The following DENND1A variants were observed in gnomAD, a reference collection of about 807,000 sequenced individuals.
The protein encoded by DENND1A is DENN domain-containing protein 1A.
Under a neutral mutation model 113.7 loss-of-function variants are expected in DENND1A, and 51 were observed. The ratio of observed to expected loss-of-function variants is 0.45; its 90% confidence interval spans 0.36 to 0.57. The LOEUF is 0.57. DENND1A is among the 20% of genes least tolerant of loss of function. The pLI is 0.00. For missense variants in DENND1A, 1,258 were observed against 1,395.9 expected, an observed-to-expected ratio of 0.90 and a Z score of 1.57; for synonymous variants, 565 against 570.8, an observed-to-expected ratio of 0.99 and a Z score of 0.14.
At chr9:123,521,247 CT>C (rs1444237429) in intron 13 of DENND1A, among the ~76,000 whole-genome samples, 2 of 152,206 alleles carry the variant, frequency 1.3e-5, no homozygotes, top group African/African-American at 2.4e-5. Context: ...GACAATTTTT[CT>C]GTTGGTTATC....
intron 1 of DENND1A, among the ~76,000 whole-genome samples, chr9:123,891,342 C>T (rs770716289): frequency 2.0e-5 from 3 of 152,218 alleles, no homozygotes; most frequent in Non-Finnish European, 4.4e-5. Context: ...AACAACGTAA[C>T]GTACACTATA....
rs2042180694 is a variant in DENND1A, at chr9:123,379,711, AAAGT to A, written c.*1717_*1720del. On this transcript the variant is annotated 3_prime_UTR_variant, in exon 24 of 24. Transcript: ENST00000394215. The stretch of plus-strand genomic sequence containing the variant: ...ACAAAGTTCATCCTTGGGTTTGCAA[AAAGT>A]CCCACAAGTGAAGAGGCAGCAGTGC... 6.6e-6 allele frequency: 1 copy of A among 152,260 alleles called. No homozygotes were observed. The highest frequency in any genetic ancestry group is 2.1e-4 in the South Asian group (1 of 4,834). The allele number at this position is 152,260 out of a possible 1,614,324, so 9.4% of individuals were successfully genotyped here.
intron 13 of DENND1A, among the ~76,000 whole-genome samples, chr9:123,486,861 T>C (rs1315347980): frequency 6.6e-6 from 1 of 152,154 alleles, no homozygotes; most frequent in African/African-American, 2.4e-5. Context: ...TCTTTTCCCA[T>C]TGGGACTGAT....
intron 5 of DENND1A, among the ~76,000 whole-genome samples, chr9:123,695,359 G>C (rs2065444963): frequency 6.6e-6 from 1 of 152,076 alleles, no homozygotes; most frequent in Admixed American, 6.6e-5. Context: ...TTTCAACACA[G>C]AATCTGTTAA....
chr9:123,409,301 C>T (rs1283603958), intron 20 of DENND1A, among the ~76,000 whole-genome samples: 1 of 151,476 alleles, frequency 6.6e-6, no homozygotes, highest in Non-Finnish European at 1.5e-5. Context: ...TTTTTTTCTT[C>T]CCGCAGCATT....
chr9:123,736,871 C>T (rs2068603310), intron 5 of DENND1A, among the ~76,000 whole-genome samples: 1 of 152,186 alleles, frequency 6.6e-6, no homozygotes, highest in Non-Finnish European at 1.5e-5. Context: ...ATTGGCAGTA[C>T]ATACAGGACT....
intron 10 of DENND1A, among the ~76,000 whole-genome samples, chr9:123,618,879 T>TAA (rs2138116464): frequency 6.6e-6 from 1 of 152,368 alleles, no homozygotes; most frequent in East Asian, 1.9e-4. Flanking sequence ...CTACACAGAC[T>TAA]AACCCATTTT....
intron 20 of DENND1A, among the ~76,000 whole-genome samples, chr9:123,404,493 A>G (rs2043774255): frequency 6.6e-6 from 1 of 152,232 alleles, no homozygotes; most frequent in Non-Finnish European, 1.5e-5. Context: ...CACGGATGGG[A>G]TGCCACAACT....
At chr9:123,892,989 A>G (rs1421900984) in intron 1 of DENND1A, among the ~76,000 whole-genome samples, 1 of 152,132 alleles carries the variant, frequency 6.6e-6, no homozygotes, top group Non-Finnish European at 1.5e-5. Flanking sequence ...CTCAAAAATA[A>G]TAAGAATAAT....
chr9:123,531,560 C>CT (rs1431879297), intron 13 of DENND1A, among the ~76,000 whole-genome samples: 48 of 97,736 alleles, frequency 4.9e-4, no homozygotes, highest in African/African-American at 2.5e-3. Context: ...TCTCTACACA[C>CT]ACACACACAC....
At chr9:123,499,984 C>T (rs1391004828) in intron 13 of DENND1A, among the ~76,000 whole-genome samples, 1 of 152,240 alleles carries the variant, frequency 6.6e-6, no homozygotes, top group Non-Finnish European at 1.5e-5. Context: ...TCCCTTCACA[C>T]TGGGCAAAGG....
Position 123,856,313 on chromosome 9 carries a change from G to A in DENND1A, c.88+22638C>T, listed in dbSNP as rs151256424. ...AATATGGGGACTCAAAGTGCAACCA[G>A]TGCGAGAAGAGCGCCCACACTGTCT... is the stretch of plus-strand genomic sequence containing the variant. On this transcript the variant is annotated intron_variant, in intron 2 of 23. Coordinates refer to ENST00000394215, the MANE Select transcript of DENND1A (RefSeq NM_001352964.2). Among the ~76,000 whole-genome samples, 25 of 152,248 alleles carry A rather than the reference G, an allele frequency of 1.6e-4. No homozygotes were observed. The East Asian group carries it at 4.4e-3, about 27-fold the overall frequency.
chr9:123,821,966 A>G (rs1372870836), intron 2 of DENND1A, among the ~76,000 whole-genome samples: 1 of 152,238 alleles, frequency 6.6e-6, no homozygotes, highest in East Asian at 1.9e-4. Context: ...GCCTTAAAGA[A>G]GAAAATCATA....
At chr9:123,737,463 C>T (rs2068653295) in intron 5 of DENND1A, among the ~76,000 whole-genome samples, 1 of 152,178 alleles carries the variant, frequency 6.6e-6, no homozygotes, top group Non-Finnish European at 1.5e-5. Context: ...ACTAGGATTA[C>T]AGATGTGAGC....
At chr9:123,745,030 C>A (rs1414375730) in intron 5 of DENND1A, among the ~76,000 whole-genome samples, 1 of 152,124 alleles carries the variant, frequency 6.6e-6, no homozygotes, top group Admixed American at 6.5e-5. Flanking sequence ...CCCGCCTCGG[C>A]CTCCCAAAGT....
At chr9:123,706,700 G>C (rs1031619756) in intron 5 of DENND1A, among the ~76,000 whole-genome samples, 1 of 149,390 alleles carries the variant, frequency 6.7e-6, no homozygotes, top group Non-Finnish European at 1.5e-5. Context: ...GAACCCAGGA[G>C]GGGGAGCTTG....
chr9:123,734,820 G>C (rs558369876), intron 5 of DENND1A, among the ~76,000 whole-genome samples: 223 of 152,272 alleles, frequency 1.5e-3, no homozygotes, highest in Non-Finnish European at 2.6e-3. Flanking sequence ...CACATCCCAA[G>C]AGAGGGCTTG....
chr9:123,451,202 C>T (rs1288611059), intron 17 of DENND1A, among the ~76,000 whole-genome samples: 1 of 152,158 alleles, frequency 6.6e-6, no homozygotes, highest in African/African-American at 2.4e-5. Flanking sequence ...AGTGCCATTT[C>T]CTAAATCTCA....
intron 2 of DENND1A, among the ~76,000 whole-genome samples, chr9:123,827,392 A>AATATATATAT (rs56805562): frequency 4.2e-4 from 59 of 140,784 alleles, no homozygotes; most frequent in African/African-American, 1.5e-3. Flanking sequence ...ATGGATATAT[A>AATATATATAT]ATATATATAT....
Sources: allele counts gnomAD v4.1 joint callset (sites outside exome capture counted in the v4.1 genomes callset), GRCh38; gene constraint gnomAD v4.1.1; transcripts MANE v1.5; gene names NCBI Gene and HGNC (gene_info 2026-07-23, HGNC 2026-07-21).